The following GLIS3 variants were observed in gnomAD, a reference collection of about 807,000 sequenced individuals.
GLIS3 encodes the protein GLIS family zinc finger 3.
GLIS3 carries 53 observed loss-of-function variants against 78.6 expected under a neutral mutation model. The observed-to-expected ratio is 0.67, with a 90% confidence interval of 0.54 to 0.85. The LOEUF (loss-of-function observed/expected upper bound fraction) is 0.85, where lower values mean the gene tolerates loss of function less well. GLIS3 is among the 40% of genes least tolerant of loss of function. The pLI, the probability that GLIS3 is intolerant of heterozygous loss-of-function variation, is 0.00. For missense variants in GLIS3, 1,703 were observed against 1,231.1 expected, an observed-to-expected ratio of 1.38 and a Z score of -5.74; for synonymous variants, 684 against 509.9, an observed-to-expected ratio of 1.34 and a Z score of -4.60.
chr9:4,409,414 A>T, the GLIS3 span, among the ~76,000 whole-genome samples: 1 of 152,118 alleles, frequency 6.6e-6, no homozygotes, highest in East Asian at 1.9e-4. Flanking sequence ...ATACTTAGAT[A>T]TATTATCTAA....
At chr9:4,469,995 A>C in the GLIS3 span, among the ~76,000 whole-genome samples, 15 of 151,262 alleles carry the variant, frequency 9.9e-5, no homozygotes, top group African/African-American at 3.6e-4. Context: ...CAGAGAACAG[A>C]AAATCTAGAA....
At chr9:4,397,216 G>A in the GLIS3 span, among the ~76,000 whole-genome samples, 10 of 142,034 alleles carry the variant, frequency 7.0e-5, 2 homozygotes, top group South Asian at 1.6e-3. Flanking sequence ...TAGTAGAGAC[G>A]GGGTTTCACC....
chr9:4,212,021 G>C (rs549206865), intron 2 of GLIS3, among the ~76,000 whole-genome samples: 1 of 152,192 alleles, frequency 6.6e-6, no homozygotes, highest in South Asian at 2.1e-4. Context: ...CTGGGAGTGG[G>C]AAAGAGGATT....
At chr9:4,464,350 ATTTTC>A in the GLIS3 span, among the ~76,000 whole-genome samples, 2 of 150,798 alleles carry the variant, frequency 1.3e-5, no homozygotes, top group South Asian at 2.1e-4. Flanking sequence ...TGATAGTAAT[ATTTTC>A]TTTTATTTAT....
chr9:4,483,114 G>C, the GLIS3 span, among the ~76,000 whole-genome samples: 1 of 152,082 alleles, frequency 6.6e-6, no homozygotes, highest in Admixed American at 6.5e-5. Context: ...ACTATTAGAG[G>C]ACAATAAAGT....
At chr9:4,428,329 A>T in the GLIS3 span, among the ~76,000 whole-genome samples, 1 of 151,872 alleles carries the variant, frequency 6.6e-6, no homozygotes, top group Non-Finnish European at 1.5e-5. Context: ...AAATACAAAA[A>T]TTAGCCAGGC....
At chr9:3,931,403 A>C (rs561290316) in intron 6 of GLIS3, among the ~76,000 whole-genome samples, 1 of 152,308 alleles carries the variant, frequency 6.6e-6, no homozygotes, top group South Asian at 2.1e-4. Flanking sequence ...GGTGACCTGA[A>C]ACCCTTGCCA....
intron 9 of GLIS3, among the ~76,000 whole-genome samples, chr9:3,835,517 A>T (rs1818296047): frequency 6.6e-6 from 1 of 152,224 alleles, no homozygotes; most frequent in African/African-American, 2.4e-5. Flanking sequence ...GATCCAGGCT[A>T]AGTGCTATAG....
At chr9:4,211,135 C>G (rs1379133138) in intron 2 of GLIS3, among the ~76,000 whole-genome samples, 1 of 152,262 alleles carries the variant, frequency 6.6e-6, no homozygotes, top group Non-Finnish European at 1.5e-5. Context: ...TAGCTCCATC[C>G]TGACCACATG....
chr9:4,321,938 T>C (rs1186625999), intron 2 of GLIS3, among the ~76,000 whole-genome samples: 1 of 152,154 alleles, frequency 6.6e-6, no homozygotes, highest in Non-Finnish European at 1.5e-5. Context: ...TGCAGGTTTG[T>C]TACATATGTA....
chr9:4,441,226 T>C, the GLIS3 span, among the ~76,000 whole-genome samples: 2 of 152,244 alleles, frequency 1.3e-5, no homozygotes, highest in Non-Finnish European at 2.9e-5. Context: ...ATCTTTGCCT[T>C]ATCCAAATCT....
At chr9:4,455,528 G>C in the GLIS3 span, among the ~76,000 whole-genome samples, 1 of 152,088 alleles carries the variant, frequency 6.6e-6, no homozygotes, top group African/African-American at 2.4e-5. Flanking sequence ...AGTTATCCTG[G>C]GTGGATCATA....
intron 4 of GLIS3, 120 bp downstream of exon 4, chr9:4,117,648 C>T: frequency 9.0e-7 from 1 of 1,108,498 alleles, no homozygotes; most frequent in Non-Finnish European, 1.4e-6. Context: ...GGAACCCCAT[C>T]TCATGGATAC....
intron 2 of GLIS3, among the ~76,000 whole-genome samples, chr9:4,236,809 T>G (rs1822792902): frequency 6.6e-6 from 1 of 152,202 alleles, no homozygotes; most frequent in Non-Finnish European, 1.5e-5. Flanking sequence ...ATCTATTACA[T>G]AAGACAATGC....
intron 2 of GLIS3, among the ~76,000 whole-genome samples, chr9:4,251,774 T>C (rs546770973): frequency 6.6e-6 from 1 of 152,338 alleles, no homozygotes; most frequent in South Asian, 2.1e-4. Context: ...AGTGCTTCCT[T>C]CAGGAGCTTT....
chr9:4,327,961 G>A (rs565984984), intron 2 of GLIS3, among the ~76,000 whole-genome samples: 4 of 150,338 alleles, frequency 2.7e-5, no homozygotes, highest in Non-Finnish European at 4.5e-5. Flanking sequence ...GAAGGCTCTC[G>A]GGAAAAAGGA....
At chr9:3,989,797 G>A (rs1011655744) in intron 4 of GLIS3, among the ~76,000 whole-genome samples, 4 of 152,194 alleles carry the variant, frequency 2.6e-5, no homozygotes, top group African/African-American at 9.6e-5. Context: ...TGCTGGAAAT[G>A]CTTAGTATCT....
intron 2 of GLIS3, among the ~76,000 whole-genome samples, chr9:4,158,540 T>G (rs562396135): frequency 2.0e-5 from 3 of 152,312 alleles, no homozygotes; most frequent in South Asian, 2.1e-4. Flanking sequence ...TTTTAAGATG[T>G]CCCCGATATG....
intron 4 of GLIS3, among the ~76,000 whole-genome samples, chr9:3,942,821 A>T (rs1816025262): frequency 6.6e-6 from 1 of 152,186 alleles, no homozygotes; most frequent in African/African-American, 2.4e-5. Flanking sequence ...CATTCTAGGG[A>T]TCATTAGGTC....
Sources: gnomAD v4.1 joint callset for allele counts (sites outside exome capture counted in the v4.1 genomes callset) on GRCh38, gnomAD v4.1.1 for gene constraint, MANE v1.5 for transcripts, NCBI Gene and HGNC (gene_info 2026-07-23, HGNC 2026-07-21) for gene names.